The following SGCD variants were observed in gnomAD, a reference collection of about 807,000 sequenced individuals.
SGCD encodes sarcoglycan delta.
A neutral mutation model predicts 36.6 loss-of-function variants in SGCD; 18 were observed. The observed-to-expected ratio is 0.49, with a 90% CI of 0.34 to 0.73. SGCD has a LOEUF of 0.73. SGCD is among the 30% of genes least tolerant of loss of function. The probability of loss-of-function intolerance (pLI) is 0.01; values close to 1 mark genes in which losing one functional copy is unlikely to be tolerated. For synonymous variants in SGCD, 133 were observed against 130.6 expected, an observed-to-expected ratio of 1.02 and a Z score of -0.12; for missense variants, 387 against 346.7, an observed-to-expected ratio of 1.12 and a Z score of -0.92.
At chr5:155,810,720 A>C in the SGCD span, among the ~76,000 whole-genome samples, 1 of 151,140 alleles carries the variant, frequency 6.6e-6, no homozygotes, top group East Asian at 1.9e-4. Context: ...GTAAATAAAA[A>C]TGATTTGGCT....
At chr5:156,013,057 G>A (rs1248721415) in intron 1 of SGCD, among the ~76,000 whole-genome samples, 4 of 142,488 alleles carry the variant, frequency 2.8e-5, no homozygotes, top group East Asian at 4.0e-4. Flanking sequence ...ATGGAGTCTC[G>A]CTCTGTCGCC....
chr5:155,755,751 T>A, the SGCD span, among the ~76,000 whole-genome samples: 1 of 152,242 alleles, frequency 6.6e-6, no homozygotes, highest in East Asian at 1.9e-4. Flanking sequence ...GTGTAACTTC[T>A]CTTTTACAGG....
At chr5:155,737,137 A>G in the SGCD span, among the ~76,000 whole-genome samples, 1 of 152,218 alleles carries the variant, frequency 6.6e-6, no homozygotes, top group Admixed American at 6.5e-5. Context: ...ACTAGGTAAT[A>G]TTGTCTCCAA....
intron 7 of SGCD, among the ~76,000 whole-genome samples, chr5:156,713,412 G>GT (rs932940971): frequency 6.7e-6 from 1 of 149,396 alleles, no homozygotes; most frequent in Non-Finnish European, 1.5e-5. Context: ...GAACATGTCG[G>GT]GGGGGGCGTT....
intron 3 of SGCD, among the ~76,000 whole-genome samples, chr5:156,256,654 C>T (rs530732096): frequency 2.0e-5 from 3 of 152,206 alleles, no homozygotes; most frequent in Admixed American, 6.5e-5. Context: ...GATTGACATA[C>T]ATTTTAATTT....
At chr5:155,931,706 C>A (rs2009586888) in intron 1 of SGCD, among the ~76,000 whole-genome samples, 1 of 152,168 alleles carries the variant, frequency 6.6e-6, no homozygotes, top group African/African-American at 2.4e-5. Flanking sequence ...ATGTTAGCTA[C>A]CCTTAGCATT....
At chr5:156,342,293 T>G (rs1768701904) in intron 2 of SGCD, among the ~76,000 whole-genome samples, 1 of 152,226 alleles carries the variant, frequency 6.6e-6, no homozygotes, top group South Asian at 2.1e-4. Context: ...TTCTGCACAC[T>G]TATTTGTAAA....
chr5:155,927,211 C>T (rs149798524), intron 1 of SGCD, among the ~76,000 whole-genome samples: 70 of 152,200 alleles, frequency 4.6e-4, no homozygotes, highest in South Asian at 1.0e-3. Flanking sequence ...ATAAGTAAAG[C>T]GCTTAGAATA....
At chr5:155,732,686 C>T in the SGCD span, among the ~76,000 whole-genome samples, 2 of 152,136 alleles carry the variant, frequency 1.3e-5, no homozygotes, top group Admixed American at 1.3e-4. Flanking sequence ...GCTGGACTCC[C>T]CTAAAGGCTT....
At chr5:156,084,218 T>C (rs1761038502) in intron 1 of SGCD, among the ~76,000 whole-genome samples, 1 of 152,244 alleles carries the variant, frequency 6.6e-6, no homozygotes, top group East Asian at 1.9e-4. Flanking sequence ...AAATAGTCCA[T>C]TCTATGGATG....
intron 3 of SGCD, among the ~76,000 whole-genome samples, chr5:156,125,382 G>A (rs1489885136): frequency 3.3e-5 from 5 of 151,950 alleles, no homozygotes; most frequent in East Asian, 1.9e-4. Flanking sequence ...CACTGCTAGA[G>A]TAAGTGTGGT....
chr5:155,804,725 C>T, the SGCD span, among the ~76,000 whole-genome samples: 220 of 152,302 alleles, frequency 1.4e-3, no homozygotes, highest in Non-Finnish European at 2.8e-3. Flanking sequence ...ATGGATCAAC[C>T]GTGAAAGAGG....
At chr5:156,352,778 G>A (rs1017855157) in intron 3 of SGCD, among the ~76,000 whole-genome samples, 28 of 152,144 alleles carry the variant, frequency 1.8e-4, no homozygotes, top group African/African-American at 6.8e-4. Context: ...ACATTTGACA[G>A]AGGAGGAAGT....
At chr5:156,243,878 C>G (rs1180121898) in intron 3 of SGCD, among the ~76,000 whole-genome samples, 3 of 152,012 alleles carry the variant, frequency 2.0e-5, no homozygotes, top group Admixed American at 2.0e-4. Context: ...GTATTACAAC[C>G]CAGTGAATAC....
chr5:156,079,510 T>C (rs1405600488), intron 1 of SGCD, among the ~76,000 whole-genome samples: 5 of 152,132 alleles, frequency 3.3e-5, no homozygotes, highest in Non-Finnish European at 7.3e-5. Context: ...TGTGAGCCTG[T>C]AAAATCAAAA....
At chr5:155,777,649 C>G in the SGCD span, among the ~76,000 whole-genome samples, 49 of 152,218 alleles carry the variant, frequency 3.2e-4, no homozygotes, top group Admixed American at 2.7e-3. Flanking sequence ...AGCCACAGTG[C>G]CCGGCCATAG....
intron 3 of SGCD, among the ~76,000 whole-genome samples, chr5:156,407,348 G>T (rs898019636): frequency 6.6e-6 from 1 of 152,164 alleles, no homozygotes; most frequent in African/African-American, 2.4e-5. Context: ...CAGAGCTGTG[G>T]TGCTTCCTGG....
chr5:156,540,097 T>C (rs1758292400), intron 4 of SGCD, among the ~76,000 whole-genome samples: 1 of 152,158 alleles, frequency 6.6e-6, no homozygotes, highest in African/African-American at 2.4e-5. Flanking sequence ...AGGTCTTTGA[T>C]TTATCCAAAG....
At chr5:156,579,203 T>C (rs1456564373) in intron 4 of SGCD, among the ~76,000 whole-genome samples, 1 of 152,230 alleles carries the variant, frequency 6.6e-6, no homozygotes, top group Admixed American at 6.5e-5. Context: ...TTGTTCAGTT[T>C]CCATGTAGTT....
Sources: gnomAD v4.1 joint callset for allele counts (sites outside exome capture counted in the v4.1 genomes callset) on GRCh38, gnomAD v4.1.1 for gene constraint, MANE v1.5 for transcripts, NCBI Gene and HGNC (gene_info 2026-07-23, HGNC 2026-07-21) for gene names.